Variants in UBAP2 observed in about 807,000 individuals in gnomAD.
The protein encoded by UBAP2 is ubiquitin-associated protein 2.
In UBAP2, 75 loss-of-function variants were observed where a neutral mutation model predicts 139.6. The ratio of observed to expected loss-of-function variants is 0.54; its 90% CI spans 0.45 to 0.65. The LOEUF is 0.65. Ranked by LOEUF, UBAP2 falls within the 30% of genes least tolerant of loss-of-function variation. UBAP2 has a pLI of 0.00. For synonymous variants in UBAP2, 526 were observed against 526.2 expected, an observed-to-expected ratio of 1.00 and a Z score of 0.01; for missense variants, 1,368 against 1,369.6, an observed-to-expected ratio of 1.00 and a Z score of 0.02.
Position 34,017,137 on chromosome 9 carries a change from T to C in UBAP2, c.12A>G (p.Ser4=). Residue 4 remains serine (S), a synonymous_variant, in exon 2 of 29, where the codon TCA becomes TCG. Coordinates refer to ENST00000379238, the MANE Select transcript of UBAP2 (RefSeq NM_001370062.2). MMT[S]VSSDHCRGAR... is the part of the protein sequence containing the mutation. Reference sequence around the variant, plus strand: ...CACCTCGACAATGGTCACTGCTCACTGAAGTCATCATATACAGTATATACA... The same window carrying C: ...CACCTCGACAATGGTCACTGCTCACCGAAGTCATCATATACAGTATATACA... 6.2e-7 allele frequency: 1 copy of C among 1,605,746 alleles called. No homozygotes were observed. Among genetic ancestry groups the C allele is most frequent in the Non-Finnish European group, 8.5e-7 (1 of 1,177,672 alleles).
chr9:34,020,418 G>A (rs1383348080), intron 1 of UBAP2, among the ~76,000 whole-genome samples: 1 of 151,616 alleles, frequency 6.6e-6, no homozygotes, highest in African/African-American at 2.4e-5. Flanking sequence ...TCCACCTTCT[G>A]GGTTCAAGCA....
rs1554692782 is a variant in UBAP2 at position 34,035,514 on chromosome 9, A to AATATATATATATATATAT, written c.-42+13310_-42+13311insATATATATATATATATAT. ...GAGACTCCATCTAAAAAAAAAAAAA[A>AATATATATATATATATAT]ATATATATATATAAAGATTAGCCAG... On this transcript the variant is annotated intron_variant, in intron 1 of 28. Coordinates refer to ENST00000379238, the MANE Select transcript of UBAP2 (RefSeq NM_001370062.2). Among the ~76,000 whole-genome samples, 43 of 22,482 alleles carry AATATATATATATATATAT rather than the reference A, an allele frequency of 1.9e-3. 6 individuals are homozygous for AATATATATATATATATAT. The highest frequency in any genetic ancestry group is 3.9e-3 in the South Asian group (4 of 1,032). The allele number at this position is 22,482 out of a possible 152,430, so 14.7% of individuals were successfully genotyped here.
At chr9:34,029,202 C>T (rs935948578) in intron 1 of UBAP2, among the ~76,000 whole-genome samples, 1 of 152,162 alleles carries the variant, frequency 6.6e-6, no homozygotes, top group Non-Finnish European at 1.5e-5. Context: ...TGGGTATGCA[C>T]CCAAGAGAAC....
chr9:33,973,140 T>C lies in UBAP2; in HGVS notation c.575+43A>G, dbSNP rs370510663. ...TTAGAAGCAACTGCAGAATAAAAAC[T>C]AGGGAAGTAAATAATTATAAAAATA... On this transcript the variant is annotated intron_variant, in intron 7 of 28. Transcript: ENST00000379238. The C allele has an allele frequency of 1.3e-5, 21 of 1,587,148 alleles. No homozygotes were observed. In the South Asian group the frequency reaches 1.6e-4, roughly 12 times the overall value.
intron 10 of UBAP2, among the ~76,000 whole-genome samples, chr9:33,958,735 C>A (rs1826778159): frequency 8.0e-6 from 1 of 124,330 alleles, no homozygotes; most frequent in Non-Finnish European, 1.6e-5. Context: ...AAAGGAAGGG[C>A]CAGGCATGAC....
At position 33,986,775 on chromosome 9, in the gene UBAP2, G is replaced by C. The variant is rs1337150522; in HGVS notation, c.505C>G (p.Arg169Gly). The C allele has an allele frequency of 6.2e-7, 1 of 1,613,866 alleles. No homozygotes were observed. Among genetic ancestry groups the C allele is most frequent in the African/African-American group, 1.3e-5 (1 of 74,982 alleles). The change falls in exon 6 of 29, where the codon CGA becomes GGA. Residue 169 changes from arginine (R) to glycine (G), a missense_variant. Arg to Gly is a moderately radical substitution (Grantham distance 125). Transcript: ENST00000379238. ...TCTAGCTTACCTCTACCCCGGGCTC[G>C]CTTGCCACGATCTGAAGGTTTGTCC... ...QVDKPSDRGK[R>G]ARGRGFGRGR...
At chr9:33,984,684 G>GA (rs71302885) in intron 6 of UBAP2, among the ~76,000 whole-genome samples, 18,888 of 145,520 alleles carry the variant, frequency 0.13, 1,504 homozygotes, top group African/African-American at 0.22. Flanking sequence ...TCTCTTAAGA[G>GA]AAAAAAAAAC....
At chr9:33,959,470 C>T (rs2131002137) in intron 10 of UBAP2, among the ~76,000 whole-genome samples, 1 of 152,304 alleles carries the variant, frequency 6.6e-6, no homozygotes, top group South Asian at 2.1e-4. Flanking sequence ...ATTTCCCTCT[C>T]AATGTCTGCT....
Position 34,017,165 on chromosome 9 carries a change from A to G in UBAP2, c.-17T>C. The G allele has an allele frequency of 3.9e-6, 6 of 1,537,064 alleles. No individual in the cohort carries two copies. Among genetic ancestry groups the G allele is most frequent in the Non-Finnish European group, 5.3e-6 (6 of 1,139,376 alleles). ...AGTCATCATATACAGTATATACAAA[A>G]TAATGTATGTACAAAATAGAAAATC... On this transcript the variant is annotated 5_prime_UTR_variant, in exon 2 of 29. Coordinates refer to ENST00000379238, the MANE Select transcript of UBAP2 (RefSeq NM_001370062.2).
intron 4 of UBAP2, among the ~76,000 whole-genome samples, chr9:33,990,158 T>C (rs1821576862): frequency 6.6e-6 from 1 of 152,166 alleles, no homozygotes; most frequent in Non-Finnish European, 1.5e-5. Flanking sequence ...AGAGAAATCC[T>C]AAAATTGGCC....
At chr9:34,038,724 G>A (rs960381522) in intron 1 of UBAP2, among the ~76,000 whole-genome samples, 16 of 152,096 alleles carry the variant, frequency 1.1e-4, no homozygotes, top group Admixed American at 3.9e-4. Flanking sequence ...GAAGTGAGGA[G>A]CATCTCTGCC....
intron 4 of UBAP2, among the ~76,000 whole-genome samples, chr9:33,990,738 T>G (rs1003621802): frequency 6.6e-6 from 1 of 150,450 alleles, no homozygotes; most frequent in Non-Finnish European, 1.5e-5. Flanking sequence ...TGGGTTCAAG[T>G]GATAACTCCT....
intron 1 of UBAP2, among the ~76,000 whole-genome samples, chr9:34,032,395 C>T (rs879857078): frequency 1.2e-4 from 19 of 152,146 alleles, no homozygotes; most frequent in Non-Finnish European, 2.4e-4. Flanking sequence ...CCTGAGTCTC[C>T]AGCTCTGCAT....
chr9:33,982,652 A>T (rs909177820), intron 6 of UBAP2, among the ~76,000 whole-genome samples: 11 of 152,190 alleles, frequency 7.2e-5, no homozygotes, highest in African/African-American at 2.4e-4. Flanking sequence ...AACAGGTCAA[A>T]TAAAACACCA....
chr9:33,932,223 CCTT>C (rs1824043306), intron 19 of UBAP2, among the ~76,000 whole-genome samples: 1 of 152,294 alleles, frequency 6.6e-6, no homozygotes, highest in East Asian at 1.9e-4. Context: ...CCAACATTGA[CCTT>C]CTTGCAATCT....
intron 1 of UBAP2, among the ~76,000 whole-genome samples, chr9:34,032,678 C>T (rs575367484): frequency 6.6e-6 from 1 of 152,274 alleles, no homozygotes; most frequent in African/African-American, 2.4e-5. Context: ...AATTCCAGCA[C>T]TTTGGGAGGC....
In UBAP2 at chr9:33,984,014, G is replaced by A. The variant is rs376865325; in HGVS notation, c.520+2746C>T. Reference sequence around the variant, plus strand: ...GCAGCCTCCACTTCCCCCAGTTCTCGTGCCTCAGCGTCCCGAGTAGCTGGA... The same window carrying A: ...GCAGCCTCCACTTCCCCCAGTTCTCATGCCTCAGCGTCCCGAGTAGCTGGA... On this transcript the variant is annotated intron_variant, in intron 6 of 28. Coordinates refer to ENST00000379238, the MANE Select transcript of UBAP2 (RefSeq NM_001370062.2). 2.6e-4 allele frequency among the ~76,000 whole-genome samples: 39 copies of A among 151,910 alleles called. No homozygotes were observed. The East Asian group carries it at 6.6e-3, about 26-fold the overall frequency.
rs1823596392 is a variant in UBAP2 at position 33,927,852 on chromosome 9, C to T, written c.2316G>A (p.Gly772=). ...TGCTGCTGGATGCACTCGCGGGGGTCCCACCCAGACAGAGGCTGTTCGCGG... is the reference window on the plus strand; with the variant it reads ...TGCTGCTGGATGCACTCGCGGGGGTTCCACCCAGACAGAGGCTGTTCGCGG... The part of the protein sequence containing the change: ...MNTANSLCLG[G]TPASASSSSS... The change falls in exon 20 of 29, where the codon GGG becomes GGA. Residue 772 remains glycine (G), a synonymous_variant. Coordinates refer to ENST00000379238, the MANE Select transcript of UBAP2 (RefSeq NM_001370062.2). 6.2e-7 allele frequency: 1 copy of T among 1,614,024 alleles called. No homozygotes were observed. The highest frequency in any genetic ancestry group is 1.1e-5 in the South Asian group (1 of 91,076).
chr9:34,033,802 C>A (rs1477744720), intron 1 of UBAP2, among the ~76,000 whole-genome samples: 1 of 151,390 alleles, frequency 6.6e-6, no homozygotes, highest in Admixed American at 6.6e-5. Context: ...ATGGCATGAT[C>A]TCAGCTCACT....
Sources: gnomAD v4.1 joint callset for allele counts (sites outside exome capture counted in the v4.1 genomes callset) on GRCh38, gnomAD v4.1.1 for gene constraint, MANE v1.5 for transcripts, NCBI Gene and HGNC (gene_info 2026-07-23, HGNC 2026-07-21) for gene names.